EFCAB11: variants seen among roughly 807,000 people sequenced by gnomAD.
EFCAB11 encodes the protein EF-hand calcium-binding domain-containing protein 11.
Under a neutral mutation model 23.0 loss-of-function variants are expected in EFCAB11, and 14 were observed. The ratio of observed to expected loss-of-function variants is 0.61; its 90% CI spans 0.40 to 0.95. EFCAB11 has a LOEUF of 0.95. Ranked by LOEUF, EFCAB11 falls within the 40% of genes least tolerant of loss-of-function variation. The pLI, the probability that EFCAB11 is intolerant of heterozygous loss-of-function variation, is 0.00. For missense variants in EFCAB11, 198 were observed against 195.8 expected (o/e 1.01, Z -0.07); for synonymous variants, 65 against 66.6 (o/e 0.98, Z 0.11).
chr14:89,954,110 G>C, intron 1 of EFCAB11, 109 bp from the exon 2 acceptor site: 1 of 973,172 alleles, frequency 1.0e-6, no homozygotes, highest in South Asian at 1.6e-5. Context: ...CCCAGCGGTA[G>C]AGTATGAAAA....
chr14:89,874,382 A>G (rs941330529), intron 5 of EFCAB11, among the ~76,000 whole-genome samples: 8 of 152,202 alleles, frequency 5.3e-5, no homozygotes, highest in African/African-American at 1.9e-4. Flanking sequence ...ACGTGCCCTG[A>G]AAACATTTTT....
intron 3 of EFCAB11, among the ~76,000 whole-genome samples, chr14:89,940,939 T>C (rs942303882): frequency 2.6e-5 from 4 of 152,242 alleles, no homozygotes; most frequent in Non-Finnish European, 4.4e-5. Flanking sequence ...TATTCTGGAA[T>C]AAAGTCAGAC....
At chr14:89,851,928 C>T (rs554593621) in intron 5 of EFCAB11, among the ~76,000 whole-genome samples, 15 of 152,120 alleles carry the variant, frequency 9.9e-5, no homozygotes, top group African/African-American at 3.6e-4. Flanking sequence ...ATCTCTAGTA[C>T]AAAAGTGGAG....
chr14:89,803,657 C>T (rs1376345698), intron 5 of EFCAB11, among the ~76,000 whole-genome samples: 2 of 152,162 alleles, frequency 1.3e-5, no homozygotes, highest in Non-Finnish European at 2.9e-5. Flanking sequence ...ACTGCCACTA[C>T]ATTAGGGACA....
chr14:89,951,506 C>A (rs1365836300), intron 2 of EFCAB11, among the ~76,000 whole-genome samples: 1 of 152,038 alleles, frequency 6.6e-6, no homozygotes, highest in Non-Finnish European at 1.5e-5. Context: ...AGTTTTATGT[C>A]TTTCTATATT....
rs776226753 is a variant in EFCAB11, at chr14:89,954,342, G to A, written c.75+244C>T. 19 of 1,535,626 alleles carry A rather than the reference G, an allele frequency of 1.2e-5. 1 individual carries two copies. The South Asian group carries it at 2.1e-4, about 17-fold the overall frequency. On this transcript the variant is annotated intron_variant, in intron 1 of 5. Coordinates refer to ENST00000316738, the MANE Select transcript of EFCAB11 (RefSeq NM_145231.4). ...GGCTTTGAAAGGCGGGAGAGATGCA[G>A]ACTCAAGGTTACCATTAATAGACTA... is the stretch of plus-strand genomic sequence containing the variant.
At chr14:89,829,368 T>C (rs1308837692) in intron 5 of EFCAB11, among the ~76,000 whole-genome samples, 1 of 152,224 alleles carries the variant, frequency 6.6e-6, no homozygotes, top group Non-Finnish European at 1.5e-5. Flanking sequence ...GTGCGTTAAA[T>C]CTTAGATTAT....
At chr14:89,830,713 C>G (rs1886855001) in intron 5 of EFCAB11, 1 of 152,206 alleles carries the variant, frequency 6.6e-6, no homozygotes, top group Non-Finnish European at 1.5e-5. Context: ...GAGCCTGAAA[C>G]AACCTCAATC....
chr14:89,946,976 A>C (rs1891008853), intron 3 of EFCAB11, among the ~76,000 whole-genome samples: 1 of 152,154 alleles, frequency 6.6e-6, no homozygotes, highest in South Asian at 2.1e-4. Flanking sequence ...GAAAGATACT[A>C]TTAAGGATGT....
chr14:89,949,649 A>G (rs1440794422), intron 3 of EFCAB11, among the ~76,000 whole-genome samples: 1 of 152,190 alleles, frequency 6.6e-6, no homozygotes, highest in African/African-American at 2.4e-5. Context: ...TACAGGCATG[A>G]GCCACTGCAC....
intron 5 of EFCAB11, among the ~76,000 whole-genome samples, chr14:89,900,409 C>T (rs2140201855): frequency 6.6e-6 from 1 of 152,154 alleles, no homozygotes; most frequent in South Asian, 2.1e-4. Flanking sequence ...TGTTTCGTAA[C>T]CTGGGAGGAA....
intron 5 of EFCAB11, among the ~76,000 whole-genome samples, chr14:89,809,999 T>C (rs1886098998): frequency 1.3e-5 from 2 of 152,370 alleles, no homozygotes; most frequent in Admixed American, 1.3e-4. Context: ...TTCTGTAGCC[T>C]ATGGTACACA....
intron 5 of EFCAB11, among the ~76,000 whole-genome samples, chr14:89,927,220 G>A (rs2139799199): frequency 6.6e-6 from 1 of 152,276 alleles, no homozygotes; most frequent in Non-Finnish European, 1.5e-5. Context: ...GCTGTTGTTT[G>A]GTTTGTAAAA....
rs181386103 is a variant in EFCAB11 at position 89,826,377 on chromosome 14, G to A, written c.411-29053C>T. Among the ~76,000 whole-genome samples, 24 of 152,142 alleles carry A rather than the reference G, an allele frequency of 1.6e-4. No individual in the cohort carries two copies. The East Asian group carries it at 4.6e-3, about 29-fold the overall frequency. ...TCTAAGAAGAAGGAACTATAAATGTGGGAACTCCCAGGCCAGAGAGAGCTA... is the reference window on the plus strand; with the variant it reads ...TCTAAGAAGAAGGAACTATAAATGTAGGAACTCCCAGGCCAGAGAGAGCTA... On this transcript the variant is annotated intron_variant, in intron 5 of 5. Transcript: ENST00000316738.
At chr14:89,802,993 G>T (rs1247055155) in intron 5 of EFCAB11, among the ~76,000 whole-genome samples, 2 of 152,100 alleles carry the variant, frequency 1.3e-5, no homozygotes, top group African/African-American at 4.8e-5. Context: ...GCAGAGAGGG[G>T]GCTGTCCTGG....
intron 1 of EFCAB11, chr14:89,954,255 C>T: frequency 1.6e-6 from 2 of 1,274,688 alleles, no homozygotes; most frequent in Non-Finnish European, 1.1e-6. Context: ...TTCATTTAGG[C>T]CACTGAGATA....
intron 5 of EFCAB11, among the ~76,000 whole-genome samples, chr14:89,813,630 A>G (rs1886224930): frequency 6.7e-6 from 1 of 149,026 alleles, no homozygotes; most frequent in South Asian, 2.1e-4. Context: ...CCAACCGTCC[A>G]CCTCCCACCC....
chr14:89,943,303 T>C (rs934081642), intron 3 of EFCAB11, among the ~76,000 whole-genome samples: 1 of 151,460 alleles, frequency 6.6e-6, no homozygotes, highest in African/African-American at 2.4e-5. Context: ...TGGCGTGCAG[T>C]GGCGTGATCA....
chr14:89,806,617 G>A (rs1325945508), intron 5 of EFCAB11, among the ~76,000 whole-genome samples: 2 of 152,110 alleles, frequency 1.3e-5, no homozygotes, highest in Non-Finnish European at 1.5e-5. Flanking sequence ...CCGTAAATAT[G>A]CAACTACCAC....
Sources: allele counts gnomAD v4.1 joint callset (sites outside exome capture counted in the v4.1 genomes callset), GRCh38; gene constraint gnomAD v4.1.1; transcripts MANE v1.5; gene names NCBI Gene and HGNC (gene_info 2026-07-23, HGNC 2026-07-21).